Variants in PRUNE2 observed in about 807,000 individuals in gnomAD.
PRUNE2 encodes the protein prune homolog 2 with BCH domain, also known as protein prune homolog 2.
A neutral mutation model predicts 252.0 loss-of-function variants in PRUNE2; 164 were observed. That is an observed-to-expected ratio of 0.65 (90% CI 0.57 to 0.74). The LOEUF is 0.74. Among genes scored for constraint, PRUNE2 ranks in the 30% least tolerant of loss-of-function variants. The probability of loss-of-function intolerance (pLI) is 0.00; values close to 1 mark genes in which losing one functional copy is unlikely to be tolerated. For missense variants in PRUNE2, 3,495 were observed against 3,711.0 expected (o/e 0.94, Z 1.51); for synonymous variants, 1,292 against 1,350.2 (o/e 0.96, Z 0.94).
chr9:76,744,229 C>T (rs901491162), intron 6 of PRUNE2, among the ~76,000 whole-genome samples: 4 of 152,220 alleles, frequency 2.6e-5, no homozygotes, highest in African/African-American at 9.6e-5. Flanking sequence ...TTGGCAAATA[C>T]TCTTGTAAGA....
chr9:76,737,849 T>C (rs1564185811), intron 6 of PRUNE2: 1 of 152,242 alleles, frequency 6.6e-6, no homozygotes, highest in Non-Finnish European at 1.5e-5. Context: ...TAACTCTTTA[T>C]AATTCCAGAT....
chr9:76,846,205 C>T (rs1410243744), intron 4 of PRUNE2, among the ~76,000 whole-genome samples: 1 of 152,180 alleles, frequency 6.6e-6, no homozygotes, highest in Non-Finnish European at 1.5e-5. Context: ...GCAAGAATCA[C>T]CTCTGGTAGT....
chr9:76,637,277 G>A, intron 14 of PRUNE2, 141 bp downstream of exon 14: 1 of 832,952 alleles, frequency 1.2e-6, no homozygotes, highest in Non-Finnish European at 1.9e-6. Context: ...ATGCTTAATA[G>A]CAACTTAGAC....
intron 9 of PRUNE2, among the ~76,000 whole-genome samples, chr9:76,670,202 C>T (rs534796475): frequency 1.1e-4 from 17 of 152,258 alleles, no homozygotes; most frequent in Non-Finnish European, 1.6e-4. Context: ...GCGCACCGTG[C>T]GCGAGCCGAA....
chr9:76,814,425 T>C (rs1381508361), intron 6 of PRUNE2, among the ~76,000 whole-genome samples: 1 of 152,128 alleles, frequency 6.6e-6, no homozygotes, highest in East Asian at 1.9e-4. Context: ...CCAATTGAGT[T>C]CCCAGTTGAC....
intron 3 of PRUNE2, among the ~76,000 whole-genome samples, chr9:76,847,302 G>A (rs928484912): frequency 6.6e-6 from 1 of 151,472 alleles, no homozygotes; most frequent in Admixed American, 6.6e-5. Context: ...CTCCAGCCTG[G>A]GCAATAGAGC....
intron 1 of PRUNE2, among the ~76,000 whole-genome samples, chr9:76,855,064 C>CAAAAAAAA (rs772890225): frequency 6.7e-4 from 52 of 78,172 alleles, no homozygotes; most frequent in African/African-American, 3.2e-3. Flanking sequence ...GACTCCATCT[C>CAAAAAAAA]AAAAAAAAAA....
chr9:76,841,162 A>T (rs953719049), intron 4 of PRUNE2, among the ~76,000 whole-genome samples: 1 of 152,086 alleles, frequency 6.6e-6, no homozygotes, highest in African/African-American at 2.4e-5. Context: ...CCAGCCATGG[A>T]GGGTGAGCCA....
chr9:76,843,470 AT>A (rs1215816716), intron 4 of PRUNE2, among the ~76,000 whole-genome samples: 1 of 152,198 alleles, frequency 6.6e-6, no homozygotes, highest in Admixed American at 6.5e-5. Context: ...TTAAGGTATA[AT>A]TTTAAAAAAG....
intron 6 of PRUNE2, among the ~76,000 whole-genome samples, chr9:76,753,026 T>A (rs181358933): frequency 6.6e-6 from 1 of 152,196 alleles, no homozygotes; most frequent in Non-Finnish European, 1.5e-5. Context: ...TTTTCAAAGA[T>A]ACACTGTTTT....
At chr9:76,820,844 C>T (rs2057997855) in intron 6 of PRUNE2, among the ~76,000 whole-genome samples, 1 of 152,122 alleles carries the variant, frequency 6.6e-6, no homozygotes, top group South Asian at 2.1e-4. Flanking sequence ...AGTGGCTTTG[C>T]TTTCCTAGCT....
rs1040963721 is a variant in PRUNE2, at chr9:76,685,223, T to G, written c.8276+18114A>C. Reference sequence around the variant, plus strand: ...TACATCTAATATTACTATTATATTATTAGAAGATGCTGGGTTACACTTAGC... The same window carrying G: ...TACATCTAATATTACTATTATATTAGTAGAAGATGCTGGGTTACACTTAGC... On this transcript the variant is annotated intron_variant, in intron 9 of 18. Transcript: ENST00000376718. 5.3e-5 allele frequency among the ~76,000 whole-genome samples: 8 copies of G among 152,236 alleles called. No individual in the cohort carries two copies. The East Asian group carries it at 5.8e-4, about 11-fold the overall frequency.
At chr9:76,750,114 A>G (rs189237444) in intron 6 of PRUNE2, among the ~76,000 whole-genome samples, 21 of 152,070 alleles carry the variant, frequency 1.4e-4, no homozygotes, top group African/African-American at 5.1e-4. Context: ...ACCCTTCTCG[A>G]CCCCTAGGTA....
At chr9:76,748,478 A>T (rs2050330828) in intron 6 of PRUNE2, among the ~76,000 whole-genome samples, 2 of 152,140 alleles carry the variant, frequency 1.3e-5, no homozygotes, top group South Asian at 4.1e-4. Flanking sequence ...AGTAACTGCT[A>T]TGGCTGAGGG....
chr9:76,612,291 A>T lies in PRUNE2; in HGVS notation c.*2279T>A, dbSNP rs1356478404. ...GTAGTTTTCCATAGATGAGCTGGAC[A>T]AGTTAAAAATATATATATAAATGGT... On this transcript the variant is annotated 3_prime_UTR_variant, in exon 19 of 19. Transcript: ENST00000376718. The T allele has an allele frequency of 6.6e-6, 1 of 152,206 alleles. No individual in the cohort carries two copies. Among genetic ancestry groups the T allele is most frequent in the Non-Finnish European group, 1.5e-5 (1 of 68,040 alleles). The allele number at this position is 152,206 out of a possible 1,614,324, so 9.4% of individuals were successfully genotyped here. A position where few individuals can be genotyped will look rare whatever the true frequency, so the allele number is the denominator to read the frequency against.
At chr9:76,789,076 T>G (rs977880141) in intron 6 of PRUNE2, among the ~76,000 whole-genome samples, 1 of 152,174 alleles carries the variant, frequency 6.6e-6, no homozygotes, top group African/African-American at 2.4e-5. Flanking sequence ...TATTTTCAGA[T>G]GGACAATAGA....
intron 4 of PRUNE2, among the ~76,000 whole-genome samples, chr9:76,839,987 C>A (rs112165936): frequency 4.9e-4 from 75 of 152,300 alleles, no homozygotes; most frequent in African/African-American, 1.7e-3. Flanking sequence ...GGTTCTACTG[C>A]AGCCGTGTTA....
chr9:76,694,335 A>G (rs2045160855), intron 9 of PRUNE2, among the ~76,000 whole-genome samples: 1 of 152,044 alleles, frequency 6.6e-6, no homozygotes, highest in African/African-American at 2.4e-5. Flanking sequence ...GGCATGTGTC[A>G]CCATGCCCAA....
chr9:76,846,697 G>C lies in PRUNE2; in HGVS notation c.345-19C>G, dbSNP rs1339197328. Reference sequence around the variant, plus strand: ...GTCTTCACTGTAAAGCAAATGGAGGGGAGGAAGAGAAAGGGATATGGCATG... The same window carrying C: ...GTCTTCACTGTAAAGCAAATGGAGGCGAGGAAGAGAAAGGGATATGGCATG... On this transcript the variant is annotated intron_variant, in intron 3 of 18. Transcript: ENST00000376718. 2 of 1,605,826 alleles carry C rather than the reference G, an allele frequency of 1.2e-6. No individual in the cohort carries two copies. The highest frequency in any genetic ancestry group is 2.2e-5 in the East Asian group (1 of 44,808).
Sources: gnomAD v4.1 joint callset for allele counts (sites outside exome capture counted in the v4.1 genomes callset) on GRCh38, gnomAD v4.1.1 for gene constraint, MANE v1.5 for transcripts, NCBI Gene and HGNC (gene_info 2026-07-23, HGNC 2026-07-21) for gene names.